Variants in RWDD2B observed in about 807,000 individuals in gnomAD.
The protein encoded by RWDD2B is RWD domain-containing protein 2B.
A neutral mutation model predicts 33.6 loss-of-function variants in RWDD2B; 36 were observed. The ratio of observed to expected loss-of-function variants is 1.07; its 90% CI spans 0.82 to 1.42. The LOEUF is 1.42. RWDD2B is among the 40% of genes most tolerant of loss of function. The pLI is 0.00. For synonymous variants in RWDD2B, 126 were observed against 133.1 expected, an observed-to-expected ratio of 0.95 and a Z score of 0.37; for missense variants, 364 against 377.5, an observed-to-expected ratio of 0.96 and a Z score of 0.30.
rs1381271401 is a variant in RWDD2B at position 29,008,630 on chromosome 21, G to A, written c.68-9C>T. On this transcript the variant is annotated splice_polypyrimidine_tract_variant and intron_variant, in intron 1 of 4. Coordinates refer to ENST00000493196, the MANE Select transcript of RWDD2B (RefSeq NM_016940.3). The stretch of plus-strand genomic sequence containing the variant: ...TGGACATGTGTAAGTTTCTAAGGAG[G>A]TAAAGATAAGAGAGACAATTTACAT... The A allele has an allele frequency of 1.3e-6, 2 of 1,590,006 alleles. No individual in the cohort carries two copies. Among genetic ancestry groups the A allele is most frequent in the Non-Finnish European group, 1.7e-6 (2 of 1,161,946 alleles).
intron 1 of RWDD2B, among the ~76,000 whole-genome samples, chr21:29,014,015 T>C (rs937526692): frequency 2.0e-4 from 31 of 152,228 alleles, no homozygotes; most frequent in East Asian, 7.7e-4. Context: ...TTGGATGTTA[T>C]ATTAGTTCAT....
At chr21:29,016,474 G>A (rs2146341555) in intron 1 of RWDD2B, among the ~76,000 whole-genome samples, 1 of 152,014 alleles carries the variant, frequency 6.6e-6, no homozygotes, top group African/African-American at 2.4e-5. Flanking sequence ...ATGTCAGTTG[G>A]GCTAGTCTCA....
At chr21:29,011,380 C>T (rs2084857998) in intron 1 of RWDD2B, among the ~76,000 whole-genome samples, 1 of 146,050 alleles carries the variant, frequency 6.8e-6, no homozygotes, top group South Asian at 2.2e-4. Context: ...AGTGAGGAGA[C>T]CCTCTGCCTG....
chr21:29,010,443 C>T (rs1249235291), intron 1 of RWDD2B, among the ~76,000 whole-genome samples: 1 of 14,268 alleles, frequency 7.0e-5, no homozygotes, highest in Non-Finnish European at 1.5e-4. Context: ...CCTGTCTCTA[C>T]TAAAAAATAC....
At chr21:29,019,168 C>A (rs371898558) in intron 1 of RWDD2B, 43 bp downstream of exon 1, 1 of 1,513,406 alleles carries the variant, frequency 6.6e-7, no homozygotes, top group South Asian at 1.2e-5. Context: ...CGTGGGAAAC[C>A]CCCGTGGCGG....
rs781218634 is a variant in RWDD2B, at chr21:29,007,845, G to A, written c.641C>T (p.Ser214Phe). ...KNILEWAKEL[S>F]LSGFSMPGKP... ...TCCAGGCATGCTAAACCCAGACAGG[G>A]AAAGCTCCTTTGCCCACTCTAGAAT... is the stretch of plus-strand genomic sequence containing the variant. Residue 214 changes from serine (S) to phenylalanine (F), a missense_variant, in exon 4 of 5, where the codon TCC becomes TTC. By Grantham distance (155) the Ser-to-Phe change is radical. Coordinates refer to ENST00000493196, the MANE Select transcript of RWDD2B (RefSeq NM_016940.3). The A allele has an allele frequency of 4.3e-6, 7 of 1,614,114 alleles. No homozygotes were observed. The East Asian group carries it at 1.1e-4, about 26-fold the overall frequency.
chr21:29,012,725 CCATG>C (rs2084870595), intron 1 of RWDD2B, among the ~76,000 whole-genome samples: 2 of 152,014 alleles, frequency 1.3e-5, no homozygotes, highest in South Asian at 4.2e-4. Context: ...TGTCCTGTGA[CCATG>C]CCCAATCCCC....
intron 1 of RWDD2B, among the ~76,000 whole-genome samples, chr21:29,018,118 T>C (rs1375215005): frequency 6.6e-6 from 1 of 152,126 alleles, no homozygotes; most frequent in African/African-American, 2.4e-5. Flanking sequence ...GGAGAGATGA[T>C]GGTGGCTTTG....
rs1161097378 is a variant in RWDD2B at position 29,004,809 on chromosome 21, T to TATCC, written c.*1604_*1607dup. 2 of 152,288 alleles carry TATCC rather than the reference T, an allele frequency of 1.3e-5. No individual in the cohort carries two copies. Among genetic ancestry groups the TATCC allele is most frequent in the Non-Finnish European group, 2.9e-5 (2 of 68,046 alleles). 9.4% of individuals were successfully genotyped at this position (152,288 alleles called of 1,614,324 possible). A position where few individuals can be genotyped will look rare whatever the true frequency, so the allele number is the denominator to read the frequency against. On this transcript the variant is annotated 3_prime_UTR_variant, in exon 5 of 5. Coordinates refer to ENST00000493196, the MANE Select transcript of RWDD2B (RefSeq NM_016940.3). ...TTTAACCACCTTTATATTTAAGATC[T>TATCC]ATCCACATTGCCTTCTTCCATTTTA...
Position 29,008,572 on chromosome 21 carries a change from C to T in RWDD2B, c.117G>A (p.Gln39=). The T allele has an allele frequency of 6.2e-7, 1 of 1,614,086 alleles. No individual in the cohort carries two copies. The highest frequency in any genetic ancestry group is 8.5e-7 in the Non-Finnish European group (1 of 1,180,036). Residue 39 remains glutamine (Q), a synonymous_variant, in exon 2 of 5, where the codon CAG becomes CAA. Coordinates refer to ENST00000493196, the MANE Select transcript of RWDD2B (RefSeq NM_016940.3). ...TGGCTAGCAGGTCTAACTCAGCAAG[C>T]TGGGCCTCCGCCTGCTCCATCTCAA... ...KMIEMEQAEA[Q]LAELDLLASM... is the part of the protein sequence containing the mutation.
chr21:29,007,674 C>T (rs939834006), intron 4 of RWDD2B, 87 bp downstream of exon 4: 7 of 1,465,052 alleles, frequency 4.8e-6, no homozygotes, highest in Admixed American at 2.1e-5. Context: ...CCACTGTTGA[C>T]CAAAACGTCA....
At chr21:29,011,465 C>T (rs1004615987) in intron 1 of RWDD2B, among the ~76,000 whole-genome samples, 7 of 147,226 alleles carry the variant, frequency 4.8e-5, no homozygotes, top group Admixed American at 6.7e-5. Context: ...GGAGCCCCTC[C>T]GCCCAGCAGC....
At chr21:29,018,783 G>T (rs920150462) in intron 1 of RWDD2B, among the ~76,000 whole-genome samples, 1 of 152,164 alleles carries the variant, frequency 6.6e-6, no homozygotes, top group African/African-American at 2.4e-5. Context: ...TTGAGCCCAG[G>T]AGTTCAAGAT....
At chr21:29,007,665 C>T (rs545709918) in intron 4 of RWDD2B, 96 bp downstream of exon 4, 14 of 1,349,072 alleles carry the variant, frequency 1.0e-5, no homozygotes, top group Non-Finnish European at 1.4e-5. Context: ...ATGTGTTGTC[C>T]ACTGTTGACC....
In RWDD2B at chr21:29,007,828, T is replaced by C; in HGVS notation, c.658A>G (p.Met220Val). The C allele has an allele frequency of 6.2e-7, 1 of 1,614,234 alleles. No homozygotes were observed. The highest frequency in any genetic ancestry group is 8.5e-7 in the Non-Finnish European group (1 of 1,180,030). The change falls in exon 4 of 5, where the codon ATG (methionine) becomes GTG (valine). Residue 220 changes from methionine (M) to valine (V), a missense_variant. Transcript: ENST00000493196. ...CAAACAACACCAGGTTTTCCAGGCA[T>C]GCTAAACCCAGACAGGGAAAGCTCC... ...AKELSLSGFSMPGKPGVVCVE... is the reference protein window; with the variant it reads ...AKELSLSGFSVPGKPGVVCVE...
In RWDD2B at chr21:29,019,322, AC is replaced by A. The variant is rs2084905024; in HGVS notation, c.-46del. On this transcript the variant is annotated 5_prime_UTR_variant, in exon 1 of 5. Coordinates refer to ENST00000493196, the MANE Select transcript of RWDD2B (RefSeq NM_016940.3). ...TCTAGCATACTGCGACCCAAAACTT[AC>A]AAACCGCCTCAGCTGGCGACCTACC... 2 of 1,427,160 alleles carry A rather than the reference AC, an allele frequency of 1.4e-6. No homozygotes were observed. The highest frequency in any genetic ancestry group is 1.9e-6 in the Non-Finnish European group (2 of 1,035,876). 88.4% of individuals were successfully genotyped at this position (1,427,160 alleles called of 1,614,324 possible).
intron 1 of RWDD2B, among the ~76,000 whole-genome samples, chr21:29,011,478 C>A (rs1601021629): frequency 6.6e-6 from 1 of 151,010 alleles, no homozygotes; most frequent in East Asian, 2.0e-4. Flanking sequence ...CCAGCAGCCA[C>A]CCCGTCTGGG....
Position 29,019,270 on chromosome 21 carries a change from A to G in RWDD2B, c.8T>C (p.Ile3Thr), listed in dbSNP as rs138042508. The change falls in exon 1 of 5, where the codon ATT becomes ACT. Residue 3 changes from isoleucine (I) to threonine (T), a missense_variant. By Grantham distance (89) the Ile-to-Thr change is moderately conservative. Transcript: ENST00000493196. The stretch of plus-strand genomic sequence containing the variant: ...GTTCCATGGCTGCATGGACAGCTCA[A>G]TTTTCATCAGAAGGGAGCCTCAAAA... The part of the protein sequence containing the change: MK[I>T]ELSMQPWNPG... 1.4e-5 allele frequency: 22 copies of G among 1,603,714 alleles called. No individual in the cohort carries two copies. In the African/African-American group the frequency reaches 2.8e-4, roughly 20 times the overall value.
In RWDD2B at chr21:29,006,543, T is replaced by C. The variant is rs1175064289; in HGVS notation, c.834A>G (p.Glu278=). The change falls in exon 5 of 5, where the codon GAA becomes GAG. Residue 278 remains glutamate, a synonymous_variant. Coordinates refer to ENST00000493196, the MANE Select transcript of RWDD2B (RefSeq NM_016940.3). ...CTCCATTAACACTGAACACTTTTTCTTCAAAAATGGAAAATTTCCTTTGTC... is the reference window on the plus strand; with the variant it reads ...CTCCATTAACACTGAACACTTTTTCCTCAAAAATGGAAAATTTCCTTTGTC... ...TERQRKFSIF[E]EKVFSVNGAR... The C allele has an allele frequency of 1.2e-6, 2 of 1,613,924 alleles. No homozygotes were observed. The highest frequency in any genetic ancestry group is 1.7e-6 in the Non-Finnish European group (2 of 1,179,914).
Sources: allele counts gnomAD v4.1 joint callset (sites outside exome capture counted in the v4.1 genomes callset), GRCh38; gene constraint gnomAD v4.1.1; transcripts MANE v1.5; gene names NCBI Gene and HGNC (gene_info 2026-07-23, HGNC 2026-07-21).